Variants in CD2BP2 observed in about 807,000 individuals in gnomAD.
CD2BP2 encodes CD2 cytoplasmic tail binding protein 2.
In CD2BP2, 27 loss-of-function variants were observed where a neutral mutation model predicts 35.9. The observed-to-expected ratio is 0.75, with a 90% CI of 0.55 to 1.04. CD2BP2 has a LOEUF of 1.04. CD2BP2 is among the 50% of genes least tolerant of loss of function. CD2BP2 has a pLI of 0.00. For synonymous variants in CD2BP2, 213 were observed against 173.5 expected (o/e 1.23, Z -1.79); for missense variants, 497 against 444.3 (o/e 1.12, Z -1.07).
intron 4 of CD2BP2, 41 bp from the exon 5 acceptor site, chr16:30,353,841 G>A (rs200913191): frequency 2.4e-4 from 387 of 1,606,848 alleles, no homozygotes; most frequent in Middle Eastern, 6.6e-4. Context: ...CAACTGCCAC[G>A]GGAGCAGGCC....
intron 6 of CD2BP2, 31 bp downstream of exon 6, chr16:30,353,150 A>G (rs2049497546): frequency 1.2e-6 from 2 of 1,607,874 alleles, no homozygotes; most frequent in Non-Finnish European, 1.7e-6. Flanking sequence ...GGAAGCAGGG[A>G]CAAGGCAGGA....
rs1352523659 is a variant in CD2BP2, at chr16:30,353,497, T to C, written c.679A>G (p.Met227Val). Residue 227 changes from methionine to valine, a missense_variant, in exon 5 of 7, where the codon ATG (methionine) becomes GTG (valine). Physicochemically the swap from Met to Val is conservative, Grantham distance 21. Transcript: ENST00000305596. ...TGACACCCCAAACCCTTCAGACGCA[T>C]AGCCAACCGTTCCCTTGTTTCCTGG... The part of the protein sequence containing the change: ...VYQETRERLA[M>V]RLKGLGCQTL... The C allele has an allele frequency of 1.9e-6, 3 of 1,614,140 alleles. No homozygotes were observed. Among genetic ancestry groups the C allele is most frequent in the East Asian group, 2.2e-5 (1 of 44,884 alleles).
In CD2BP2 at chr16:30,352,944, T is replaced by TCCAGGAAAGAAGGGC; in HGVS notation, c.*26_*40dup. 7.7e-7 allele frequency: 1 copy of TCCAGGAAAGAAGGGC among 1,297,016 alleles called. No homozygotes were observed. The highest frequency in any genetic ancestry group is 1.1e-6 in the Non-Finnish European group (1 of 891,280). The allele number at this position is 1,297,016 out of a possible 1,614,324, so 80.3% of individuals were successfully genotyped here. A position where few individuals can be genotyped will look rare whatever the true frequency, so the allele number is the denominator to read the frequency against. ...GACACTTGGTGCCTCCTCCACAAAGTCCAGGAAAGAAGGGCCCACCAAACT... is the reference window on the plus strand; with the variant it reads ...GACACTTGGTGCCTCCTCCACAAAGTCCAGGAAAGAAGGGCCCAGGAAAGAAGGGCCCACCAAACT... On this transcript the variant is annotated 3_prime_UTR_variant, in exon 7 of 7. Transcript: ENST00000305596.
intron 5 of CD2BP2, 25 bp downstream of exon 5, chr16:30,353,343 C>T (rs746610911): frequency 1.9e-6 from 3 of 1,613,668 alleles, no homozygotes; most frequent in Admixed American, 1.7e-5. Context: ...TACCCACTGC[C>T]CCCTCCTCTG....
At position 30,351,339 on chromosome 16, in the gene CD2BP2, T is replaced by C. The variant is rs1480601260; in HGVS notation, c.*1646A>G. 1 of 152,234 alleles carries C rather than the reference T, an allele frequency of 6.6e-6. No individual in the cohort carries two copies. The highest frequency in any genetic ancestry group is 1.5e-5 in the Non-Finnish European group (1 of 68,134). 9.4% of individuals were successfully genotyped at this position (152,234 alleles called of 1,614,324 possible). On this transcript the variant is annotated 3_prime_UTR_variant, in exon 7 of 7. Coordinates refer to ENST00000305596, the MANE Select transcript of CD2BP2 (RefSeq NM_006110.3). ...CACGCACTCAGCACCCCTGAGACCA[T>C]CCCTGGGGCCTACAGGAGAACCCTG...
In CD2BP2 at chr16:30,352,808, G is replaced by T; in HGVS notation, c.*177C>A. 1 of 605,002 alleles carries T rather than the reference G, an allele frequency of 1.7e-6. No homozygotes were observed. The highest frequency in any genetic ancestry group is 2.0e-5 in the South Asian group (1 of 50,036). 37.5% of individuals were successfully genotyped at this position (605,002 alleles called of 1,614,324 possible). ...CAAGTCCAAAGGGACTGTGGAGAAG[G>T]CCCCTGGCTTCTGGCCATCAGCACA... On this transcript the variant is annotated 3_prime_UTR_variant, in exon 7 of 7. Transcript: ENST00000305596.
At position 30,354,648 on chromosome 16, in the gene CD2BP2, C is replaced by T; in HGVS notation, c.34G>A (p.Gly12Arg). The T allele has an allele frequency of 6.2e-7, 1 of 1,614,086 alleles. No individual in the cohort carries two copies. Among genetic ancestry groups the T allele is most frequent in the South Asian group, 1.1e-5 (1 of 91,070 alleles). Reference sequence around the variant, plus strand: ...ATTTCATCCTCATCCTCCTCATCTCCCACGCCTTGGAAGGTCACTTTCCTC... The same window carrying T: ...ATTTCATCCTCATCCTCCTCATCTCTCACGCCTTGGAAGGTCACTTTCCTC... ...PKRKVTFQGVGDEEDEDEIIV... is the reference protein window; with the variant it reads ...PKRKVTFQGVRDEEDEDEIIV... The change falls in exon 2 of 7, where the codon GGA becomes AGA. Residue 12 changes from glycine (G) to arginine (R), a missense_variant. Physicochemically the swap from Gly to Arg is moderately radical, Grantham distance 125 (BLOSUM62 -2). Coordinates refer to ENST00000305596, the MANE Select transcript of CD2BP2 (RefSeq NM_006110.3).
chr16:30,353,900 C>G lies in CD2BP2; in HGVS notation c.375+1G>C, dbSNP rs758130729. On this transcript the variant is annotated splice_donor_variant, in intron 4 of 6. Coordinates refer to ENST00000305596, the MANE Select transcript of CD2BP2 (RefSeq NM_006110.3). LOFTEE classifies it high-confidence loss of function. ...CAGCCACGCCAGCCCCTGGGCCGCA[C>G]CCAGTCAATGTTGTCCAGCCAGCTG... The G allele has an allele frequency of 1.2e-6, 2 of 1,613,868 alleles. No homozygotes were observed. Among genetic ancestry groups the G allele is most frequent in the South Asian group, 2.2e-5 (2 of 91,082 alleles).
At chr16:30,354,800 TAC>T (rs1279213733) in intron 1 of CD2BP2, 93 bp from the exon 2 acceptor site, 23 of 931,996 alleles carry the variant, frequency 2.5e-5, no homozygotes, top group Middle Eastern at 4.7e-4. Flanking sequence ...CTGTGACAGG[TAC>T]AGTTTGGGAG....
Position 30,352,859 on chromosome 16 carries a change from G to A in CD2BP2, c.*126C>T, listed in dbSNP as rs2049493507. On this transcript the variant is annotated 3_prime_UTR_variant, in exon 7 of 7. Transcript: ENST00000305596. ...GCCAAGGCCCCAGTACACAACTAAA[G>A]GCTTTTATTGGGAAAGGGAAATTGA... 1.8e-5 allele frequency: 12 copies of A among 676,450 alleles called. No homozygotes were observed. In the South Asian group the frequency reaches 1.9e-4, roughly 11 times the overall value. The allele number at this position is 676,450 out of a possible 1,614,324, so 41.9% of individuals were successfully genotyped here.
In CD2BP2 at chr16:30,353,203, G is replaced by C. The variant is rs748064703; in HGVS notation, c.893C>G (p.Pro298Arg). 1.2e-6 allele frequency: 2 copies of C among 1,613,616 alleles called. No individual in the cohort carries two copies. The highest frequency in any genetic ancestry group is 1.7e-6 in the Non-Finnish European group (2 of 1,179,670). ...ENTGDAELYG[P>R]FTSAQMQTWV... The stretch of plus-strand genomic sequence containing the variant: ...CACCTGCATCTGGGCGCTGGTGAAG[G>C]GCCCATACAGCTCGGCATCCCCCGT... The change falls in exon 6 of 7, where the codon CCC becomes CGC. Residue 298 changes from proline (P) to arginine (R), a missense_variant. Pro to Arg is a moderately radical substitution (Grantham distance 103, BLOSUM62 -2). Transcript: ENST00000305596.
Position 30,353,171 on chromosome 16 carries a change from A to G in CD2BP2, c.915+10T>C, listed in dbSNP as rs754307501. On this transcript the variant is annotated intron_variant, in intron 6 of 6. Transcript: ENST00000305596. ...AGGGACAAGGCAGGAGGAGGGAGAAAGCAGCTCACCTGCATCTGGGCGCTG... is the reference window on the plus strand; with the variant it reads ...AGGGACAAGGCAGGAGGAGGGAGAAGGCAGCTCACCTGCATCTGGGCGCTG... 14 of 1,612,116 alleles carry G rather than the reference A, an allele frequency of 8.7e-6. No individual in the cohort carries two copies. In the South Asian group the frequency reaches 1.3e-4, roughly 15 times the overall value.
rs747085356 is a variant in CD2BP2 at position 30,354,661 on chromosome 16, G to A, written c.21C>T (p.Thr7=). 38 of 1,613,894 alleles carry A rather than the reference G, an allele frequency of 2.4e-5. No homozygotes were observed. The highest frequency in any genetic ancestry group is 1.6e-4 in the Middle Eastern group (1 of 6,084). Residue 7 remains threonine, a synonymous_variant, in exon 2 of 7, where the codon ACC becomes ACT. Coordinates refer to ENST00000305596, the MANE Select transcript of CD2BP2 (RefSeq NM_006110.3). MPKRKV[T]FQGVGDEEDE... ...CCTCCTCATCTCCCACGCCTTGGAA[G>A]GTCACTTTCCTCTTTGGCATGACGG...
chr16:30,354,940 T>C (rs2049523340), intron 1 of CD2BP2: 1 of 479,632 alleles, frequency 2.1e-6, no homozygotes. Context: ...CCCCCGACCC[T>C]GGCTGAAAGG....
intron 1 of CD2BP2, 134 bp downstream of exon 1, chr16:30,355,078 G>C: frequency 4.0e-6 from 1 of 247,590 alleles, no homozygotes. Context: ...GCAGACCCAG[G>C]ACCTGGCGCT....
At position 30,353,284 on chromosome 16, in the gene CD2BP2, G is replaced by A; in HGVS notation, c.812C>T (p.Ala271Val). ...ETPTPTQRGEAESRGDGLVDV... is the reference protein window; with the variant it reads ...ETPTPTQRGEVESRGDGLVDV... ...CACCAGACCATCTCCCCGCGACTCT[G>A]CTTCTAAAATAACAGGCAAAGCCAT... Residue 271 changes from alanine to valine, a missense_variant, in exon 6 of 7, where the codon GCA (alanine) becomes GTA (valine). By Grantham distance (64) the Ala-to-Val change is moderately conservative. Transcript: ENST00000305596. The A allele has an allele frequency of 6.2e-7, 1 of 1,613,992 alleles. No homozygotes were observed. The highest frequency in any genetic ancestry group is 8.5e-7 in the Non-Finnish European group (1 of 1,179,896).
rs1411709218 is a variant in CD2BP2, at chr16:30,354,676, T to C, written c.6A>G (p.Pro2=). The C allele has an allele frequency of 1.2e-6, 2 of 1,613,930 alleles. No individual in the cohort carries two copies. The highest frequency in any genetic ancestry group is 1.7e-6 in the Non-Finnish European group (2 of 1,179,966). ...CGCCTTGGAAGGTCACTTTCCTCTT[T>C]GGCATGACGGGGCAAAGAGGTGTTT... is the stretch of plus-strand genomic sequence containing the variant. M[P]KRKVTFQGVG... Residue 2 remains proline (P), a synonymous_variant, in exon 2 of 7, where the codon CCA becomes CCG. Transcript: ENST00000305596.
chr16:30,354,225 C>A lies in CD2BP2; in HGVS notation c.176G>T (p.Gly59Val). The A allele has an allele frequency of 3.7e-6, 6 of 1,614,056 alleles. No homozygotes were observed. Among genetic ancestry groups the A allele is most frequent in the Non-Finnish European group, 5.1e-6 (6 of 1,179,996 alleles). The change falls in exon 3 of 7, where the codon GGG becomes GTG. Residue 59 changes from glycine to valine, a missense_variant. Coordinates refer to ENST00000305596, the MANE Select transcript of CD2BP2 (RefSeq NM_006110.3). ...GGCCAAGATGTCATATTTGCTGGACCCCCCATCATCATCATCCTCCTCCTC... is the reference window on the plus strand; with the variant it reads ...GGCCAAGATGTCATATTTGCTGGACACCCCATCATCATCATCCTCCTCCTC... ...SDEEEDDDDG[G>V]SSKYDILASE...
Position 30,354,282 on chromosome 16 carries a change from C to T in CD2BP2, c.119G>A (p.Arg40His), listed in dbSNP as rs779646330. The T allele has an allele frequency of 5.0e-6, 8 of 1,613,874 alleles. No homozygotes were observed. The highest frequency in any genetic ancestry group is 4.5e-5 in the East Asian group (2 of 44,884). The change falls in exon 3 of 7, where the codon CGC (arginine) becomes CAC (histidine). Residue 40 changes from arginine to histidine, a missense_variant. Physicochemically the swap from Arg to His is conservative, Grantham distance 29. Transcript: ENST00000305596. ...PVAGSGGPGS[R>H]FKGKHSLDSD... ...ATCCAAAGAGTGTTTGCCTTTAAAG[C>T]GGCTCCCAGGACCCCCTGACCCAGC... is the stretch of plus-strand genomic sequence containing the variant.
Sources: gnomAD v4.1 joint callset for allele counts on GRCh38, gnomAD v4.1.1 for gene constraint, MANE v1.5 for transcripts, NCBI Gene and HGNC (gene_info 2026-07-23, HGNC 2026-07-21) for gene names.